Variants in DGKH observed in about 807,000 individuals in gnomAD.
The protein encoded by DGKH is DAG kinase eta.
Under a neutral mutation model 159.3 loss-of-function variants are expected in DGKH, and 90 were observed. The observed-to-expected ratio is 0.57, with a 90% CI of 0.48 to 0.67. The LOEUF (loss-of-function observed/expected upper bound fraction) is 0.67, where lower values mean the gene tolerates loss of function less well. Ranked by LOEUF, DGKH falls within the 30% of genes least tolerant of loss-of-function variation. The pLI is 0.00. For synonymous variants in DGKH, 536 were observed against 553.8 expected (o/e 0.97, Z 0.45); for missense variants, 1,181 against 1,506.1 (o/e 0.78, Z 3.57).
At chr13:42,096,321 A>G (rs1366821946) in intron 1 of DGKH, among the ~76,000 whole-genome samples, 3 of 152,064 alleles carry the variant, frequency 2.0e-5, no homozygotes, top group Admixed American at 2.0e-4. Flanking sequence ...GCTCCCACTT[A>G]TAAATGAGAA....
intron 3 of DGKH, among the ~76,000 whole-genome samples, chr13:42,137,842 T>C (rs949336801): frequency 1.3e-5 from 2 of 152,206 alleles, no homozygotes; most frequent in Non-Finnish European, 2.9e-5. Context: ...TTTTAAAAAT[T>C]TGGAAAAATG....
intron 21 of DGKH, 31 bp from the exon 22 acceptor site, chr13:42,208,928 C>A (rs774848086): frequency 6.6e-7 from 1 of 1,514,554 alleles, no homozygotes; most frequent in South Asian, 1.2e-5. Context: ...CCTAAACATT[C>A]AGTAGAAGTG....
intron 13 of DGKH, among the ~76,000 whole-genome samples, chr13:42,182,257 A>G (rs1455005653): frequency 6.6e-6 from 1 of 152,242 alleles, no homozygotes; most frequent in African/African-American, 2.4e-5. Flanking sequence ...TTTCAAACAA[A>G]ACTGATATAA....
At position 42,159,354 on chromosome 13, in the gene DGKH, T is replaced by C; in HGVS notation, c.711T>C (p.Ile237=). 1 of 1,593,706 alleles carries C rather than the reference T, an allele frequency of 6.3e-7. No homozygotes were observed. The highest frequency in any genetic ancestry group is 8.6e-7 in the Non-Finnish European group (1 of 1,167,996). Residue 237 remains isoleucine (I), a synonymous_variant, in exon 6 of 30, where the codon ATT becomes ATC. Transcript: ENST00000337343. The stretch of plus-strand genomic sequence containing the variant: ...CCCTGGCCTCCATCGGGAAGGACAT[T>C]ATAGAAGATGAAGATGGCGTAAGCT... ...WTTLASIGKD[I]IEDEDGVAMP... is the part of the protein sequence containing the mutation.
In DGKH at chr13:42,194,925, T is replaced by A; in HGVS notation, c.2076T>A (p.Tyr692Ter). 6.2e-7 allele frequency: 1 copy of A among 1,614,088 alleles called. No homozygotes were observed. Among genetic ancestry groups the A allele is most frequent in the Middle Eastern group, 1.7e-4 (1 of 6,060 alleles). ...GGTCTCCAGATGCCCGGGCAAGTTATGGCCATTCCCAAACTGATTCTGTCC... is the reference window on the plus strand; with the variant it reads ...GGTCTCCAGATGCCCGGGCAAGTTAAGGCCATTCCCAAACTGATTCTGTCC... Reference protein sequence around the residue: ...APRSPDARASYGHSQTDSVPG... With the variant: ...APRSPDARAS The change falls in exon 17 of 30, where the codon TAT becomes TAA. Residue 692 changes from tyrosine to a stop codon, truncating the protein, a stop_gained. Transcript: ENST00000337343. LOFTEE classifies it high-confidence loss of function.
At chr13:42,152,943 G>A (rs1444503452) in intron 3 of DGKH, among the ~76,000 whole-genome samples, 1 of 152,154 alleles carries the variant, frequency 6.6e-6, no homozygotes, top group African/African-American at 2.4e-5. Context: ...GCATCTGGGG[G>A]TGTGTTACAA....
chr13:42,043,823 C>A (rs181291586), upstream of DGKH: 1 of 151,986 alleles, frequency 6.6e-6, no homozygotes, highest in East Asian at 2.0e-4. Flanking sequence ...CAATAGCATG[C>A]ATGTAACCAT....
In DGKH at chr13:42,069,356, C is replaced by T. The variant is rs1465282509; in HGVS notation, c.192+20391C>T. 2.1e-6 allele frequency: 3 copies of T among 1,431,396 alleles called. No individual in the cohort carries two copies. The African/African-American group carries it at 4.2e-5, about 20-fold the overall frequency. The allele number at this position is 1,431,396 out of a possible 1,614,324, so 88.7% of individuals were successfully genotyped here. Reference sequence around the variant, plus strand: ...AAGTTTCTAATTGAGCCAGATTTGCCATTCCTTTTTCCTGTTTTTCTTGAC... The same window carrying T: ...AAGTTTCTAATTGAGCCAGATTTGCTATTCCTTTTTCCTGTTTTTCTTGAC... On this transcript the variant is annotated intron_variant, in intron 1 of 29. Transcript: ENST00000337343.
intron 16 of DGKH, among the ~76,000 whole-genome samples, chr13:42,193,539 A>C (rs895068717): frequency 4.2e-4 from 64 of 152,350 alleles, no homozygotes; most frequent in African/African-American, 1.5e-3. Flanking sequence ...AGATGTGAGA[A>C]ATACCGTATA....
intron 1 of DGKH, among the ~76,000 whole-genome samples, chr13:42,099,258 T>C (rs1385613168): frequency 6.6e-6 from 1 of 152,182 alleles, no homozygotes; most frequent in Admixed American, 6.5e-5. Flanking sequence ...ATTCTTCCTT[T>C]GTAACAGGTC....
chr13:42,119,622 T>A (rs1365489131), intron 1 of DGKH, among the ~76,000 whole-genome samples: 1 of 152,278 alleles, frequency 6.6e-6, no homozygotes, highest in Non-Finnish European at 1.5e-5. Flanking sequence ...CTTTCTGGGA[T>A]ATTTAAGAGT....
chr13:42,186,287 C>T (rs1956926728), intron 13 of DGKH, among the ~76,000 whole-genome samples: 1 of 152,088 alleles, frequency 6.6e-6, no homozygotes, highest in South Asian at 2.1e-4. Flanking sequence ...GGTCATATAC[C>T]ATTCTGTTGA....
chr13:42,132,396 G>T (rs1453811499), intron 3 of DGKH, among the ~76,000 whole-genome samples: 2 of 152,132 alleles, frequency 1.3e-5, no homozygotes, highest in African/African-American at 2.4e-5. Context: ...CTAGAATTTT[G>T]TATCCTTTAA....
At chr13:42,057,617 T>C (rs1881859174) in intron 1 of DGKH, among the ~76,000 whole-genome samples, 1 of 152,230 alleles carries the variant, frequency 6.6e-6, no homozygotes, top group South Asian at 2.1e-4. Context: ...TACTCCTTTG[T>C]TGCTCCTCAA....
intron 3 of DGKH, among the ~76,000 whole-genome samples, chr13:42,132,220 C>A (rs1594069319): frequency 6.6e-6 from 1 of 152,240 alleles, no homozygotes; most frequent in Admixed American, 6.5e-5. Flanking sequence ...GTACAGTGAT[C>A]AGATCAAGGT....
chr13:42,054,423 G>A (rs1401349035), intron 1 of DGKH, among the ~76,000 whole-genome samples: 1 of 152,180 alleles, frequency 6.6e-6, no homozygotes. Flanking sequence ...TTTACATTTT[G>A]ATAGGTGATG....
rs1958491002 is a variant in DGKH, at chr13:42,240,235, G to A, written c.*11047G>A. On this transcript the variant is annotated 3_prime_UTR_variant, in exon 30 of 30. Coordinates refer to ENST00000337343, the MANE Select transcript of DGKH (RefSeq NM_178009.5). ...CAAAGGCTTAGAATTCCACATGAAAGTCCACATGAGGTAAGTGTGCATTCA... is the reference window on the plus strand; with the variant it reads ...CAAAGGCTTAGAATTCCACATGAAAATCCACATGAGGTAAGTGTGCATTCA... The A allele has an allele frequency of 6.6e-6, 1 of 152,164 alleles. No individual in the cohort carries two copies. Among genetic ancestry groups the A allele is most frequent in the African/African-American group, 2.4e-5 (1 of 41,432 alleles). The allele number at this position is 152,164 out of a possible 1,614,324, so 9.4% of individuals were successfully genotyped here.
intron 29 of DGKH, among the ~76,000 whole-genome samples, chr13:42,228,106 A>G (rs1958180472): frequency 6.6e-6 from 1 of 152,188 alleles, no homozygotes; most frequent in Non-Finnish European, 1.5e-5. Flanking sequence ...TTAGTTTTTC[A>G]GACAGTGAAT....
rs745559778 is a variant in DGKH, at chr13:42,168,424, T to C, written c.1119-16T>C. 1 of 1,602,692 alleles carries C rather than the reference T, an allele frequency of 6.2e-7. No individual in the cohort carries two copies. The highest frequency in any genetic ancestry group is 1.3e-5 in the African/African-American group (1 of 74,560). ...TTTATTTCTTTATACTAAAATAAAA[T>C]CCTTTTTGCTTTCAGTTTAAGATTA... is the stretch of plus-strand genomic sequence containing the variant. On this transcript the variant is annotated splice_polypyrimidine_tract_variant and intron_variant, in intron 9 of 29. Coordinates refer to ENST00000337343, the MANE Select transcript of DGKH (RefSeq NM_178009.5).
Sources: allele counts gnomAD v4.1 joint callset (sites outside exome capture counted in the v4.1 genomes callset), GRCh38; gene constraint gnomAD v4.1.1; transcripts MANE v1.5; gene names NCBI Gene and HGNC (gene_info 2026-07-23, HGNC 2026-07-21).